Variants in COL13A1 observed in about 807,000 individuals in gnomAD.
COL13A1 encodes the protein collagen type XIII alpha 1 chain.
A neutral mutation model predicts 130.9 loss-of-function variants in COL13A1; 89 were observed. The observed-to-expected ratio is 0.68, with a 90% CI of 0.57 to 0.81. The LOEUF (loss-of-function observed/expected upper bound fraction) is 0.81, where lower values mean the gene tolerates loss of function less well. Among genes scored for constraint, COL13A1 ranks in the 30% least tolerant of loss-of-function variants. The probability of loss-of-function intolerance (pLI) is 0.00; values close to 1 mark genes in which losing one functional copy is unlikely to be tolerated. For missense variants in COL13A1, 879 were observed against 934.6 expected (o/e 0.94, Z 0.78); for synonymous variants, 402 against 341.6 (o/e 1.18, Z -1.95).
At position 69,949,965 on chromosome 10, in the gene COL13A1, C is replaced by T. The variant is rs200731289; in HGVS notation, c.2058+2623C>T. ...GTGTGTGTGCGTGTGTTTGTGTGTG[C>T]GTGTGTGTGTGTGTGTGCATGTGTT... On this transcript the variant is annotated intron_variant, in intron 38 of 40. Coordinates refer to ENST00000645393, the MANE Select transcript of COL13A1 (RefSeq NM_001368882.1). 4.7e-3 allele frequency among the ~76,000 whole-genome samples: 412 copies of T among 87,656 alleles called. 7 individuals carry two copies. The highest frequency in any genetic ancestry group is 9.8e-3 in the African/African-American group (207 of 21,204). 57.5% of individuals were successfully genotyped at this position (87,656 alleles called of 152,430 possible). A position where few individuals can be genotyped will look rare whatever the true frequency, so the allele number is the denominator to read the frequency against.
intron 39 of COL13A1, chr10:69,954,887 C>A (rs34209097): frequency 6.6e-6 from 1 of 152,332 alleles, no homozygotes; most frequent in African/African-American, 2.4e-5. Flanking sequence ...ACGTCCCAGG[C>A]GAAGTGGTAG....
At chr10:69,824,305 C>T (rs924303282) in intron 2 of COL13A1, among the ~76,000 whole-genome samples, 1 of 152,254 alleles carries the variant, frequency 6.6e-6, no homozygotes, top group Admixed American at 6.5e-5. Context: ...TTATCAAATG[C>T]CATGTCCTAG....
At chr10:69,905,520 G>T (rs2062661471) in intron 16 of COL13A1, among the ~76,000 whole-genome samples, 1 of 152,130 alleles carries the variant, frequency 6.6e-6, no homozygotes, top group Non-Finnish European at 1.5e-5. Flanking sequence ...AGGTCTCCTG[G>T]GTCTCCTGGG....
rs1258188736 is a variant in COL13A1 at position 69,930,481 on chromosome 10, G to A, written c.1612G>A (p.Gly538Arg). The stretch of plus-strand genomic sequence containing the variant: ...AAAGGATGGACCTCCAGGAGTGAAG[G>A]GAGAAAACGGGCACCCAGGGAGCCC... ...PGKDGPPGVK[G>R]ENGHPGSPGE... is the part of the protein sequence containing the mutation. The change falls in exon 30 of 41, where the codon GGA becomes AGA. Residue 538 changes from glycine to arginine, a missense_variant. Gly to Arg is a moderately radical substitution (Grantham distance 125, BLOSUM62 -2). Around this residue, in one of 3 missense-constraint regions of COL13A1, gnomAD observed 715 missense variants for 721.0 expected, o/e 0.99. Transcript: ENST00000645393. 1 of 1,613,928 alleles carries A rather than the reference G, an allele frequency of 6.2e-7. No individual in the cohort carries two copies. The highest frequency in any genetic ancestry group is 1.7e-5 in the Admixed American group (1 of 60,020).
At chr10:69,935,474 C>T in intron 32 of COL13A1, 83 bp downstream of exon 32, 2 of 1,007,508 alleles carry the variant, frequency 2.0e-6, no homozygotes, top group Non-Finnish European at 2.9e-6. Context: ...CAGCCTTAGT[C>T]ACTATCACCT....
chr10:69,802,766 C>T (rs1173842525), intron 1 of COL13A1, 49 bp downstream of exon 1: 3 of 1,603,290 alleles, frequency 1.9e-6, no homozygotes, highest in South Asian at 1.1e-5. Context: ...GGCGCCCCCT[C>T]GCGCAGCCTC....
chr10:69,847,124 T>C (rs1444502011), intron 2 of COL13A1, among the ~76,000 whole-genome samples: 1 of 152,226 alleles, frequency 6.6e-6, no homozygotes, highest in Non-Finnish European at 1.5e-5. Flanking sequence ...CCATCTACTT[T>C]ACAGGGTGCC....
At chr10:69,839,118 A>G (rs977052310) in intron 2 of COL13A1, among the ~76,000 whole-genome samples, 3 of 152,216 alleles carry the variant, frequency 2.0e-5, no homozygotes, top group African/African-American at 7.2e-5. Context: ...CAGCTATGGT[A>G]TTTGGAGAAT....
intron 2 of COL13A1, among the ~76,000 whole-genome samples, chr10:69,866,332 GC>G (rs1005546189): frequency 1.4e-4 from 22 of 152,202 alleles, no homozygotes; most frequent in African/African-American, 5.3e-4. Context: ...GGGAGCCAGG[GC>G]CCCGTCAGGC....
intron 10 of COL13A1, among the ~76,000 whole-genome samples, chr10:69,890,157 C>T (rs2061030252): frequency 6.6e-6 from 1 of 152,098 alleles, no homozygotes; most frequent in African/African-American, 2.4e-5. Flanking sequence ...TCTCCTGGCC[C>T]CTACCTTCTG....
intron 6 of COL13A1, among the ~76,000 whole-genome samples, chr10:69,880,068 G>A (rs549321593): frequency 3.3e-5 from 5 of 152,150 alleles, no homozygotes; most frequent in Admixed American, 1.3e-4. Context: ...GGGCTGGGCC[G>A]GGGAGAGACT....
intron 2 of COL13A1, among the ~76,000 whole-genome samples, chr10:69,838,510 G>A (rs984710802): frequency 6.6e-6 from 1 of 152,208 alleles, no homozygotes; most frequent in Non-Finnish European, 1.5e-5. Flanking sequence ...CCTGGCATGG[G>A]GAGGAGTTTA....
At position 69,923,944 on chromosome 10, in the gene COL13A1, C is replaced by G. The variant is rs2065019670; in HGVS notation, c.1284+89C>G. On this transcript the variant is annotated intron_variant, in intron 24 of 40. Transcript: ENST00000645393. ...CCCGGCCGACCCTAGGGGTATCCCT[C>G]AGGGCACAAGGCTGACCGGCCATGA... is the stretch of plus-strand genomic sequence containing the variant. 2.0e-6 allele frequency: 3 copies of G among 1,517,578 alleles called. No individual in the cohort carries two copies. The African/African-American group carries it at 4.1e-5, about 21-fold the overall frequency. 94.0% of individuals were successfully genotyped at this position (1,517,578 alleles called of 1,614,324 possible).
intron 12 of COL13A1, among the ~76,000 whole-genome samples, chr10:69,894,921 T>G (rs900597492): frequency 2.1e-4 from 32 of 152,144 alleles, no homozygotes; most frequent in African/African-American, 7.5e-4. Context: ...GTGACATCCT[T>G]TCCAGGGGTC....
At chr10:69,936,129 GAA>G in intron 32 of COL13A1, among the ~76,000 whole-genome samples, 1 of 516 alleles carries the variant, frequency 1.9e-3, no homozygotes, top group African/African-American at 4.6e-3. Flanking sequence ...AGGAAGGAAA[GAA>G]GGAAGGAAGG....
chr10:69,821,924 G>A (rs1380533176), intron 1 of COL13A1, among the ~76,000 whole-genome samples: 1 of 152,164 alleles, frequency 6.6e-6, no homozygotes, highest in Non-Finnish European at 1.5e-5. Context: ...CCCTACTGCT[G>A]CACCCCTGCC....
intron 30 of COL13A1, among the ~76,000 whole-genome samples, 200 bp downstream of exon 30, chr10:69,930,752 C>T (rs954340514): frequency 1.3e-5 from 2 of 152,182 alleles, no homozygotes; most frequent in South Asian, 4.1e-4. Flanking sequence ...CTCAGGAGAC[C>T]TGAGTTGTGC....
chr10:69,926,960 A>G, intron 26 of COL13A1, 127 bp from the exon 27 acceptor site: 7 of 1,290,408 alleles, frequency 5.4e-6, no homozygotes, highest in South Asian at 1.2e-5. Context: ...GCCCACCTGC[A>G]AGCGTCTCCC....
chr10:69,931,406 G>A, intron 30 of COL13A1: 1 of 341,254 alleles, frequency 2.9e-6, no homozygotes, highest in East Asian at 7.9e-5. Flanking sequence ...CAGGCAGGGA[G>A]GGTCCTCTTA....
Sources: allele counts gnomAD v4.1 joint callset (sites outside exome capture counted in the v4.1 genomes callset), GRCh38; gene constraint gnomAD v4.1.1; regional missense constraint gnomAD v4.1.1; transcripts MANE v1.5; gene names NCBI Gene and HGNC (gene_info 2026-07-23, HGNC 2026-07-21).